RAD51: variants seen among roughly 807,000 people sequenced by gnomAD.
The protein encoded by RAD51 is DNA repair protein RAD51 homolog 1.
Under a neutral mutation model 41.5 loss-of-function variants are expected in RAD51, and 14 were observed. The observed-to-expected ratio is 0.34, with a 90% confidence interval of 0.22 to 0.53. RAD51 has a LOEUF of 0.53. RAD51 is among the 20% of genes least tolerant of loss of function. RAD51 has a pLI of 0.95. For synonymous variants in RAD51, 136 were observed against 148.6 expected (o/e 0.92, Z 0.62); for missense variants, 234 against 422.0 (o/e 0.55, Z 3.90).
At chr15:40,718,698 G>A (rs570854498) in intron 5 of RAD51, 107 bp from the exon 6 acceptor site, 3 of 976,302 alleles carry the variant, frequency 3.1e-6, no homozygotes, top group Admixed American at 1.8e-5. Context: ...ATTTTTAAAT[G>A]TTTTTTTCCC....
intron 2 of RAD51, 134 bp from the exon 3 acceptor site, chr15:40,700,929 GC>G (rs374208245): frequency 4.0e-5 from 12 of 296,764 alleles, no homozygotes; most frequent in Non-Finnish European, 5.9e-5. Context: ...ATCTCCCCCC[GC>G]CCCCCCAAGG....
At chr15:40,722,509 T>C (rs1162551404) in intron 6 of RAD51, among the ~76,000 whole-genome samples, 4 of 151,124 alleles carry the variant, frequency 2.6e-5, no homozygotes, top group Non-Finnish European at 5.9e-5. Context: ...GGTGGTTTTC[T>C]GGGGGTAGGG....
At chr15:40,718,228 C>CA (rs1567048137) in intron 5 of RAD51, among the ~76,000 whole-genome samples, 2 of 143,490 alleles carry the variant, frequency 1.4e-5, no homozygotes, top group African/African-American at 5.2e-5. Context: ...GTCTCCAAAA[C>CA]AAAAAAAGGC....
At chr15:40,710,011 G>A (rs1233201269) in intron 5 of RAD51, among the ~76,000 whole-genome samples, 2 of 151,964 alleles carry the variant, frequency 1.3e-5, no homozygotes, top group Non-Finnish European at 2.9e-5. Context: ...GGGAGGCCGA[G>A]GTGGGCGGAT....
chr15:40,731,021 T>G lies in RAD51; in HGVS notation c.897-34T>G, dbSNP rs775645195. The G allele has an allele frequency of 1.9e-6, 3 of 1,613,722 alleles. No individual in the cohort carries two copies. In the Admixed American group the frequency reaches 5.0e-5, roughly 27 times the overall value. ...CAGGAACGGAATTGTTTAATTATAA[T>G]AAATTGGTGCTTTGGTCTGTGTCTT... On this transcript the variant is annotated intron_variant, in intron 9 of 9. Transcript: ENST00000267868.
chr15:40,719,786 C>G (rs557777162), intron 6 of RAD51, among the ~76,000 whole-genome samples: 1 of 151,718 alleles, frequency 6.6e-6, no homozygotes, highest in Non-Finnish European at 1.5e-5. Flanking sequence ...GAGCCGAGAT[C>G]GCGCCACTGC....
intron 3 of RAD51, among the ~76,000 whole-genome samples, 175 bp downstream of exon 3, chr15:40,701,376 C>CTT (rs57054958): frequency 4.5e-5 from 5 of 109,992 alleles, no homozygotes; most frequent in African/African-American, 6.9e-5. Context: ...TTTTTTCTTT[C>CTT]TTTTTTTTTT....
intron 5 of RAD51, among the ~76,000 whole-genome samples, chr15:40,711,668 TG>T (rs1244687929): frequency 1.3e-5 from 2 of 152,110 alleles, no homozygotes. Context: ...CTGTATAGAA[TG>T]GGATGAACAG....
intron 6 of RAD51, among the ~76,000 whole-genome samples, chr15:40,724,025 TGAG>T (rs1246064554): frequency 6.6e-6 from 1 of 152,226 alleles, no homozygotes; most frequent in East Asian, 1.9e-4. Flanking sequence ...CCTGCCTAAA[TGAG>T]GAGAATATTC....
At chr15:40,719,337 G>A (rs939925781) in intron 6 of RAD51, among the ~76,000 whole-genome samples, 1 of 151,804 alleles carries the variant, frequency 6.6e-6, no homozygotes, top group Non-Finnish European at 1.5e-5. Context: ...GGGATTACAG[G>A]TGTGAGCCAC....
chr15:40,708,650 T>A (rs540877698), intron 4 of RAD51, among the ~76,000 whole-genome samples: 1 of 152,170 alleles, frequency 6.6e-6, no homozygotes, highest in African/African-American at 2.4e-5. Context: ...CTGGCACGAT[T>A]TTGGCTCACT....
intron 4 of RAD51, 133 bp downstream of exon 4, chr15:40,706,427 T>C (rs906262856): frequency 2.5e-6 from 2 of 810,550 alleles, no homozygotes; most frequent in Admixed American, 4.1e-5. Flanking sequence ...CCAGGTGCAG[T>C]GGCTTATGCC....
At chr15:40,710,241 C>CT (rs1895616473) in intron 5 of RAD51, among the ~76,000 whole-genome samples, 1 of 44,312 alleles carries the variant, frequency 2.3e-5, no homozygotes, top group African/African-American at 1.2e-4. Context: ...GACTCTGTCT[C>CT]AAAAAAAAAA....
rs1166388655 is a variant in RAD51 at position 40,729,216 on chromosome 15, C to CA, written c.645-282dup. Among the ~76,000 whole-genome samples, 4 of 151,446 alleles carry CA rather than the reference C, an allele frequency of 2.6e-5. No homozygotes were observed. The East Asian group carries it at 7.8e-4, about 29-fold the overall frequency. On this transcript the variant is annotated intron_variant, in intron 7 of 9. Transcript: ENST00000267868. ...TGAATCCGTCTCTACTAAAAAAATA[C>CA]AAAAAAATTAGCTGGGTGTGGTGGC...
chr15:40,718,665 A>G, intron 5 of RAD51, 140 bp from the exon 6 acceptor site: 1 of 730,946 alleles, frequency 1.4e-6, no homozygotes, highest in South Asian at 1.5e-5. Flanking sequence ...ATCAGAAGGG[A>G]ATGCCTCCTT....
intron 2 of RAD51, 101 bp downstream of exon 2, chr15:40,698,946 C>G (rs1894819993): frequency 8.3e-7 from 1 of 1,199,090 alleles, no homozygotes; most frequent in Non-Finnish European, 1.2e-6. Flanking sequence ...CTACCAAGGT[C>G]AAGACCCAAA....
chr15:40,706,930 A>G (rs1895379985), intron 4 of RAD51, among the ~76,000 whole-genome samples: 1 of 152,178 alleles, frequency 6.6e-6, no homozygotes, highest in Admixed American at 6.5e-5. Context: ...CCATGTTTGA[A>G]TACTACTCAT....
intron 1 of RAD51, among the ~76,000 whole-genome samples, chr15:40,698,251 C>G (rs1040459614): frequency 1.3e-5 from 2 of 151,354 alleles, no homozygotes; most frequent in Non-Finnish European, 2.9e-5. Context: ...TACAGTGGCA[C>G]GATCTCGGCT....
intron 6 of RAD51, among the ~76,000 whole-genome samples, chr15:40,726,372 C>T (rs142259440): frequency 0.014 from 2,129 of 151,748 alleles, 28 homozygotes; most frequent in South Asian, 0.055. Context: ...CTGCCTCAGC[C>T]TCCCAAGTAC....
Sources: gnomAD v4.1 joint callset for allele counts (sites outside exome capture counted in the v4.1 genomes callset) on GRCh38, gnomAD v4.1.1 for gene constraint, MANE v1.5 for transcripts, NCBI Gene and HGNC (gene_info 2026-07-23, HGNC 2026-07-21) for gene names.